Variants in GRIK4 observed in about 807,000 individuals in gnomAD.
The protein encoded by GRIK4 is glutamate receptor ionotropic, kainate 4.
In GRIK4, 40 loss-of-function variants were observed where a neutral mutation model predicts 104.9. The observed-to-expected ratio is 0.38, with a 90% CI of 0.30 to 0.50. The LOEUF (loss-of-function observed/expected upper bound fraction) is 0.50. Among genes scored for constraint, GRIK4 ranks in the 20% least tolerant of loss-of-function variants. GRIK4 has a pLI of 0.93. For synonymous variants in GRIK4, 485 were observed against 524.9 expected (o/e 0.92, Z 1.04); for missense variants, 1,047 against 1,308.1 (o/e 0.80, Z 3.08).
At chr11:120,727,767 A>G (rs1951058054) in intron 3 of GRIK4, among the ~76,000 whole-genome samples, 1 of 152,114 alleles carries the variant, frequency 6.6e-6, no homozygotes, top group African/African-American at 2.4e-5. Flanking sequence ...TAGAAGGAAA[A>G]ACATTATTTT....
rs542952857 is a variant in GRIK4 at position 120,604,126 on chromosome 11, C to T, written c.-158-49559C>T. 1.0e-3 allele frequency among the ~76,000 whole-genome samples: 150 copies of T among 142,914 alleles called. 1 individual carries two copies. Among genetic ancestry groups the T allele is most frequent in the African/African-American group, 3.6e-3 (137 of 38,204 alleles). The allele number at this position is 142,914 out of a possible 152,430, so 93.8% of individuals were successfully genotyped here. On this transcript the variant is annotated intron_variant, in intron 1 of 20. Coordinates refer to ENST00000527524, the MANE Select transcript of GRIK4 (RefSeq NM_014619.5). ...GGCGAAGCTTGCAGTGAGCCGAGAT[C>T]GCGCCACTGCACTCCAGCCTGGGCG... is the stretch of plus-strand genomic sequence containing the variant.
chr11:120,678,059 T>C (rs61601696), intron 3 of GRIK4, among the ~76,000 whole-genome samples: 23,806 of 152,226 alleles, frequency 0.16, 2,027 homozygotes, highest in South Asian at 0.23. Context: ...ATGCTCTATC[T>C]ATTACACTAG....
chr11:120,589,622 T>C (rs1278608550), intron 1 of GRIK4, among the ~76,000 whole-genome samples: 1 of 152,282 alleles, frequency 6.6e-6, no homozygotes, highest in East Asian at 1.9e-4. Flanking sequence ...CCGTTTGCTC[T>C]GGGAGCATTC....
At chr11:120,832,259 G>A (rs74827927) in intron 7 of GRIK4, among the ~76,000 whole-genome samples, 8,899 of 152,248 alleles carry the variant, frequency 0.058, 271 homozygotes, top group Middle Eastern at 0.085. Context: ...AGTAGGCAAC[G>A]GAGACACCTA....
intron 9 of GRIK4, among the ~76,000 whole-genome samples, chr11:120,867,614 G>A (rs376472354): frequency 4.6e-5 from 7 of 152,024 alleles, no homozygotes; most frequent in South Asian, 2.1e-4. Context: ...TCGGGCCTTC[G>A]GCATTCTAAG....
intron 1 of GRIK4, among the ~76,000 whole-genome samples, chr11:120,542,221 T>C (rs189666689): frequency 6.6e-6 from 1 of 152,324 alleles, no homozygotes; most frequent in African/African-American, 2.4e-5. Context: ...GTCTCTTCAA[T>C]AAATGGTGTG....
chr11:120,930,985 T>C (rs999040885), intron 13 of GRIK4, among the ~76,000 whole-genome samples: 3 of 152,180 alleles, frequency 2.0e-5, no homozygotes, highest in African/African-American at 4.8e-5. Flanking sequence ...GCTAGAAATA[T>C]TGAGCACCCG....
chr11:120,787,847 C>CTTCTTTTTTT (rs1565352273), intron 3 of GRIK4, among the ~76,000 whole-genome samples: 4 of 55,578 alleles, frequency 7.2e-5, no homozygotes, highest in African/African-American at 2.8e-4. Flanking sequence ...TTTTTCTTTT[C>CTTCTTTTTTT]TTTTCTTTTT....
Position 120,690,631 on chromosome 11 carries a change from C to T in GRIK4, c.82+30231C>T, listed in dbSNP as rs151275628. Among the ~76,000 whole-genome samples the T allele has an allele frequency of 2.3e-3, 355 of 152,332 alleles. 3 individuals carry two copies. The highest frequency in any genetic ancestry group is 7.8e-3 in the African/African-American group (323 of 41,584). The stretch of plus-strand genomic sequence containing the variant: ...CAGAGTGAGAATACCACCTGAGCAA[C>T]CAAGATGGGTCCCAGAGGGGCCATT... On this transcript the variant is annotated intron_variant, in intron 3 of 20. Coordinates refer to ENST00000527524, the MANE Select transcript of GRIK4 (RefSeq NM_014619.5).
At chr11:120,970,634 A>C (rs1944459651) in intron 19 of GRIK4, among the ~76,000 whole-genome samples, 1 of 150,484 alleles carries the variant, frequency 6.6e-6, no homozygotes, top group Admixed American at 6.6e-5. Flanking sequence ...GGGCAGCCCC[A>C]TTGGCAAGCT....
rs188876984 is a variant in GRIK4, at chr11:120,565,589, A to G, written c.-159+53702A>G. Among the ~76,000 whole-genome samples, 238 of 152,326 alleles carry G rather than the reference A, an allele frequency of 1.6e-3. 1 individual carries two copies. The highest frequency in any genetic ancestry group is 5.1e-3 in the African/African-American group (214 of 41,568). On this transcript the variant is annotated intron_variant, in intron 1 of 20. Transcript: ENST00000527524. ...GAATATAAAGCGTTTTACAGATCCA[A>G]TATTGTACGAGGTACAACAGAACAC...
At chr11:120,612,920 G>T (rs1325734179) in intron 1 of GRIK4, among the ~76,000 whole-genome samples, 1 of 152,236 alleles carries the variant, frequency 6.6e-6, no homozygotes, top group Non-Finnish European at 1.5e-5. Flanking sequence ...GTAGGTAGGG[G>T]AGGAGGGTCA....
intron 1 of GRIK4, among the ~76,000 whole-genome samples, chr11:120,523,644 A>G (rs940355470): frequency 6.6e-6 from 1 of 152,218 alleles, no homozygotes; most frequent in African/African-American, 2.4e-5. Flanking sequence ...AGACACCGAC[A>G]CAGGGTCACA....
rs369283106 is a variant in GRIK4, at chr11:120,905,431, G to A, written c.1414G>A (p.Val472Met). 36 of 1,611,098 alleles carry A rather than the reference G, an allele frequency of 2.2e-5. No homozygotes were observed. The highest frequency in any genetic ancestry group is 4.5e-5 in the East Asian group (2 of 44,764). Reference sequence around the variant, plus strand: ...CAAGATCCGCCTGGTTGGGGATGGCGTGTACGGCGTTCCCGAGGCCAACGG... The same window carrying A: ...CAAGATCCGCCTGGTTGGGGATGGCATGTACGGCGTTCCCGAGGCCAACGG... ...NYKIRLVGDG[V>M]YGVPEANGTW... The change falls in exon 13 of 21, where the codon GTG (valine) becomes ATG (methionine). Residue 472 changes from valine (V) to methionine (M), a missense_variant. By Grantham distance (21) the Val-to-Met change is conservative. Transcript: ENST00000527524. This position sits in a 1 kb window ranked among gnomAD's most constrained non-coding sequence, Gnocchi z 5.1.
chr11:120,985,851 G>T, intron 20 of GRIK4, 53 bp from the exon 21 acceptor site: 1 of 1,525,698 alleles, frequency 6.6e-7, no homozygotes, highest in Non-Finnish European at 8.9e-7. Flanking sequence ...ACTCGCAGGG[G>T]GCCCACGGGG....
At chr11:120,629,682 T>C (rs765102519) in intron 1 of GRIK4, among the ~76,000 whole-genome samples, 3 of 152,166 alleles carry the variant, frequency 2.0e-5, no homozygotes, top group Non-Finnish European at 2.9e-5. Flanking sequence ...CTTTTCCGAT[T>C]GTCCTGCTAG....
intron 1 of GRIK4, among the ~76,000 whole-genome samples, chr11:120,597,871 T>A (rs1010069970): frequency 4.6e-5 from 7 of 152,002 alleles, no homozygotes; most frequent in Non-Finnish European, 4.4e-5. Flanking sequence ...GGAGCGGGAG[T>A]GCCTGCCGTT....
intron 16 of GRIK4, 112 bp from the exon 17 acceptor site, chr11:120,960,797 T>G: frequency 2.6e-6 from 2 of 768,632 alleles, no homozygotes; most frequent in Non-Finnish European, 4.2e-6. Flanking sequence ...CTGAAAGCTC[T>G]TTCATAAGAA....
chr11:120,724,621 T>C (rs921657242), intron 3 of GRIK4, among the ~76,000 whole-genome samples: 5 of 152,376 alleles, frequency 3.3e-5, no homozygotes, highest in Middle Eastern at 3.4e-3. Context: ...GACTTTTGCA[T>C]GTTCTGCTGG....
Sources: allele counts gnomAD v4.1 joint callset (sites outside exome capture counted in the v4.1 genomes callset), GRCh38; gene constraint gnomAD v4.1.1; non-coding constraint Gnocchi (gnomAD v3.1); transcripts MANE v1.5; gene names NCBI Gene and HGNC (gene_info 2026-07-23, HGNC 2026-07-21).